CDH2: variants seen among roughly 807,000 people sequenced by gnomAD.
The protein encoded by CDH2 is cadherin-2.
A neutral mutation model predicts 92.0 loss-of-function variants in CDH2; 17 were observed. The ratio of observed to expected loss-of-function variants is 0.18; its 90% CI spans 0.13 to 0.28. The LOEUF (loss-of-function observed/expected upper bound fraction) is 0.28. Ranked by LOEUF, CDH2 falls within the 10% of genes least tolerant of loss-of-function variation. The probability of loss-of-function intolerance (pLI) is 1.00; values close to 1 mark genes in which losing one functional copy is unlikely to be tolerated. For missense variants in CDH2, 862 were observed against 1,133.1 expected, an observed-to-expected ratio of 0.76 and a Z score of 3.44; for synonymous variants, 419 against 415.9, an observed-to-expected ratio of 1.01 and a Z score of -0.09.
intron 2 of CDH2, among the ~76,000 whole-genome samples, chr18:28,046,288 C>T (rs1280757560): frequency 1.3e-5 from 2 of 152,036 alleles, no homozygotes; most frequent in Non-Finnish European, 2.9e-5. Context: ...TACATTTACA[C>T]ATAACTTCCT....
At chr18:28,089,341 T>C (rs537034972) in intron 2 of CDH2, among the ~76,000 whole-genome samples, 1 of 152,170 alleles carries the variant, frequency 6.6e-6, no homozygotes, top group East Asian at 1.9e-4. Context: ...AACAGAAAAA[T>C]CAAACAACAA....
chr18:28,147,734 A>C lies in CDH2; in HGVS notation c.111T>G (p.Pro37=), dbSNP rs2016058418. 1 of 1,613,004 alleles carries C rather than the reference A, an allele frequency of 6.2e-7. No individual in the cohort carries two copies. Among genetic ancestry groups the C allele is most frequent in the Admixed American group, 1.7e-5 (1 of 59,966 alleles). Residue 37 remains proline, a synonymous_variant, in exon 2 of 16, where the codon CCT becomes CCG. Coordinates refer to ENST00000269141, the MANE Select transcript of CDH2 (RefSeq NM_001792.5). The stretch of plus-strand genomic sequence containing the variant: ...ATAAGACTGCACTGTAAACATCTTC[A>C]GGAAATCCAGTCTTGCATAATGCGA... ...GEIALCKTGF[P]EDVYSAVLSK... is the part of the protein sequence containing the mutation.
intron 2 of CDH2, chr18:28,045,338 C>A: frequency 2.2e-6 from 1 of 445,142 alleles, no homozygotes; most frequent in Non-Finnish European, 4.6e-6. Flanking sequence ...ATGAATAAGT[C>A]TTTGTAAAAC....
intron 7 of CDH2, among the ~76,000 whole-genome samples, chr18:28,000,252 A>G (rs2012724176): frequency 1.3e-5 from 2 of 151,986 alleles, no homozygotes; most frequent in African/African-American, 4.8e-5. Flanking sequence ...ACAGGTGCAC[A>G]CCACCATGCC....
chr18:28,176,388 G>T (rs2016541895), intron 1 of CDH2, among the ~76,000 whole-genome samples: 1 of 152,056 alleles, frequency 6.6e-6, no homozygotes, highest in Non-Finnish European at 1.5e-5. Context: ...AATATTGTGA[G>T]GGCAAGAGAA....
chr18:28,095,959 A>G (rs2015127975), intron 2 of CDH2, among the ~76,000 whole-genome samples: 1 of 152,214 alleles, frequency 6.6e-6, no homozygotes, highest in Non-Finnish European at 1.5e-5. Flanking sequence ...AGCACGAATT[A>G]TGGTGCATCC....
intron 2 of CDH2, among the ~76,000 whole-genome samples, chr18:28,077,463 C>G (rs2144181963): frequency 6.6e-6 from 1 of 152,136 alleles, no homozygotes. Flanking sequence ...TATGTTAGAC[C>G]AAGGCATCTG....
intron 2 of CDH2, among the ~76,000 whole-genome samples, chr18:28,145,523 T>C (rs555246122): frequency 1.6e-4 from 24 of 152,190 alleles, no homozygotes; most frequent in Admixed American, 1.4e-3. Flanking sequence ...TTGGCTTCAG[T>C]GTATAGCTAT....
chr18:28,011,782 CAG>C (rs2013107257), intron 4 of CDH2, 62 bp downstream of exon 4: 7 of 1,481,322 alleles, frequency 4.7e-6, no homozygotes, highest in Admixed American at 3.9e-5. Flanking sequence ...AAAAAATAGA[CAG>C]AAATATTTTT....
At chr18:27,947,926 A>G (rs899953645), downstream of CDH2, among the ~76,000 whole-genome samples, 1 of 151,020 alleles carries the variant, frequency 6.6e-6, no homozygotes, top group African/African-American at 2.4e-5. Flanking sequence ...TATAAGTGAT[A>G]TAACTTTGAT....
At chr18:28,060,378 G>A (rs939787745) in intron 2 of CDH2, among the ~76,000 whole-genome samples, 11 of 152,028 alleles carry the variant, frequency 7.2e-5, no homozygotes, top group Non-Finnish European at 1.2e-4. Context: ...GTAGAGACGA[G>A]GTTTCACCAT....
Position 27,985,211 on chromosome 18 carries a change from T to C in CDH2, c.1998A>G (p.Leu666=). The C allele has an allele frequency of 6.2e-7, 1 of 1,608,160 alleles. No individual in the cohort carries two copies. Among genetic ancestry groups the C allele is most frequent in the Non-Finnish European group, 8.5e-7 (1 of 1,174,768 alleles). The part of the protein sequence containing the change: ...RLNGDFAQLN[L]KIKFLEAGIY... ...TACCAGCTTCAAGAAATTTTATCTT[T>C]AAATTAAGCTGAGCAAAATCACCTA... Residue 666 remains leucine (L), a synonymous_variant, in exon 13 of 16, where the codon TTA becomes TTG. Coordinates refer to ENST00000269141, the MANE Select transcript of CDH2 (RefSeq NM_001792.5).
chr18:28,113,362 T>C (rs2015443373), intron 2 of CDH2, among the ~76,000 whole-genome samples: 1 of 151,638 alleles, frequency 6.6e-6, no homozygotes, highest in Admixed American at 6.6e-5. Flanking sequence ...TTAAAAATGA[T>C]CAATAGTTAC....
chr18:27,998,706 G>T (rs572348775), intron 7 of CDH2, among the ~76,000 whole-genome samples: 1 of 152,222 alleles, frequency 6.6e-6, no homozygotes, highest in African/African-American at 2.4e-5. Context: ...TGACCACCCA[G>T]ACTCAGGTGA....
intron 2 of CDH2, among the ~76,000 whole-genome samples, chr18:28,068,724 T>A (rs1439257889): frequency 1.3e-5 from 2 of 152,208 alleles, no homozygotes; most frequent in African/African-American, 4.8e-5. Context: ...CACTTGGTTT[T>A]AAGAAGGTTG....
chr18:27,995,269 G>A (rs969905031), intron 7 of CDH2, among the ~76,000 whole-genome samples: 7 of 142,208 alleles, frequency 4.9e-5, no homozygotes, highest in East Asian at 4.3e-4. Context: ...AGCCGAGATC[G>A]TGCCACTGTG....
intron 2 of CDH2, among the ~76,000 whole-genome samples, chr18:28,139,474 T>C (rs775550895): frequency 5.9e-5 from 9 of 152,042 alleles, no homozygotes; most frequent in African/African-American, 2.2e-4. Context: ...CACCTGACTG[T>C]TGAACACACT....
At chr18:27,991,012 T>C (rs1042294782) in intron 9 of CDH2, among the ~76,000 whole-genome samples, 1 of 152,180 alleles carries the variant, frequency 6.6e-6, no homozygotes, top group African/African-American at 2.4e-5. Flanking sequence ...GGATATTTTA[T>C]TGGTCTGTAA....
chr18:28,170,807 T>C (rs1032978457), intron 1 of CDH2, among the ~76,000 whole-genome samples: 9 of 152,306 alleles, frequency 5.9e-5, no homozygotes, highest in African/African-American at 1.9e-4. Context: ...TTCTTACTCA[T>C]GGACTTTTAG....
Sources: gnomAD v4.1 joint callset for allele counts (sites outside exome capture counted in the v4.1 genomes callset) on GRCh38, gnomAD v4.1.1 for gene constraint, MANE v1.5 for transcripts, NCBI Gene and HGNC (gene_info 2026-07-23, HGNC 2026-07-21) for gene names.